PTPRN2: variants seen among roughly 807,000 people sequenced by gnomAD.
The protein encoded by PTPRN2 is protein tyrosine phosphatase receptor type N2.
In PTPRN2, 74 loss-of-function variants were observed where a neutral mutation model predicts 118.8. The observed-to-expected ratio is 0.62, with a 90% CI of 0.52 to 0.76. The LOEUF (loss-of-function observed/expected upper bound fraction) is 0.76, where lower values mean the gene tolerates loss of function less well. PTPRN2 is among the 30% of genes least tolerant of loss of function. PTPRN2 has a pLI of 0.00. For missense variants in PTPRN2, 1,481 were observed against 1,394.4 expected (o/e 1.06, Z -0.99); for synonymous variants, 641 against 608.0 (o/e 1.05, Z -0.80).
intron 12 of PTPRN2, among the ~76,000 whole-genome samples, chr7:157,759,488 G>A (rs1802006338): frequency 1.3e-5 from 2 of 152,248 alleles, no homozygotes. Flanking sequence ...TCAGCTCCTT[G>A]TAAGCCCATC....
At chr7:157,878,983 T>C (rs1451181911) in intron 12 of PTPRN2, among the ~76,000 whole-genome samples, 4 of 106,198 alleles carry the variant, frequency 3.8e-5, no homozygotes, top group South Asian at 3.4e-4. Context: ...GCTTACTCAC[T>C]GAGGAGCTCT....
At chr7:158,331,648 G>T (rs1478749276) in intron 2 of PTPRN2, among the ~76,000 whole-genome samples, 1 of 145,358 alleles carries the variant, frequency 6.9e-6, no homozygotes, top group African/African-American at 2.7e-5. Context: ...GGTGACACCT[G>T]CAGACGTCAC....
rs141571310 is a variant in PTPRN2, at chr7:157,609,743, G to A, written c.2345-5668C>T. On this transcript the variant is annotated intron_variant, in intron 15 of 22. Transcript: ENST00000389418. The surrounding 1 kb of genome is among the most constrained non-coding windows in gnomAD (Gnocchi z 4.9). Reference sequence around the variant, plus strand: ...GCACGCAGCAAGCAATGAGGAGCAAGGCTGAGATGACGGTGGACACGCACC... The same window carrying A: ...GCACGCAGCAAGCAATGAGGAGCAAAGCTGAGATGACGGTGGACACGCACC... 8.5e-5 allele frequency among the ~76,000 whole-genome samples: 13 copies of A among 152,368 alleles called. No homozygotes were observed. The highest frequency in any genetic ancestry group is 1.3e-4 in the Non-Finnish European group (9 of 68,046).
chr7:157,655,286 C>T (rs1292541258), intron 14 of PTPRN2, among the ~76,000 whole-genome samples: 1 of 152,182 alleles, frequency 6.6e-6, no homozygotes, highest in African/African-American at 2.4e-5. Flanking sequence ...ACGTCTGGTC[C>T]AAGCGGGTCT....
intron 2 of PTPRN2, among the ~76,000 whole-genome samples, chr7:158,484,199 G>A (rs1820834032): frequency 6.6e-6 from 1 of 152,012 alleles, no homozygotes; most frequent in Non-Finnish European, 1.5e-5. Context: ...AGAGTTCCGT[G>A]ACCACCTCAC....
intron 2 of PTPRN2, among the ~76,000 whole-genome samples, chr7:158,410,483 G>A (rs1009298213): frequency 1.3e-5 from 2 of 152,204 alleles, no homozygotes; most frequent in African/African-American, 4.8e-5. Context: ...GGTTTCCTCT[G>A]GCCCTGAAGT....
chr7:158,374,390 G>A (rs979442), intron 2 of PTPRN2, among the ~76,000 whole-genome samples: 133,363 of 152,040 alleles, frequency 0.88, 58,832 homozygotes, highest in East Asian at 0.99. Flanking sequence ...ACACTCACTC[G>A]CTCCTGTGAA....
At chr7:157,575,216 T>C (rs1281177980) in intron 19 of PTPRN2, among the ~76,000 whole-genome samples, 5 of 152,246 alleles carry the variant, frequency 3.3e-5, no homozygotes. Context: ...TGTAGTTACA[T>C]CCATTTTGCC....
chr7:158,461,223 C>T (rs1010509366), intron 2 of PTPRN2, among the ~76,000 whole-genome samples: 12 of 152,194 alleles, frequency 7.9e-5, no homozygotes, highest in East Asian at 1.9e-4. Context: ...AGGCCGGGCG[C>T]GGTGGCTCAT....
rs1809277100 is a variant in PTPRN2 at position 158,050,925 on chromosome 7, C to T, written c.1723+30373G>A. Among the ~76,000 whole-genome samples the T allele has an allele frequency of 1.3e-5, 2 of 152,354 alleles. 1 individual carries two copies. The highest frequency in any genetic ancestry group is 2.9e-5 in the Non-Finnish European group (2 of 68,032). On this transcript the variant is annotated intron_variant, in intron 11 of 22. Transcript: ENST00000389418. The stretch of plus-strand genomic sequence containing the variant: ...CCCCTCCCGCTGGAAGTGCTCTCCC[C>T]ACGGCAGGAGTGAGGAGCACTGAGA...
In PTPRN2 at chr7:158,563,505, G is replaced by A. The variant is rs182293594; in HGVS notation, c.112+24053C>T. On this transcript the variant is annotated intron_variant, in intron 1 of 22. Transcript: ENST00000389418. This position sits in a 1 kb window ranked among gnomAD's most constrained non-coding sequence, Gnocchi z 5.1. ...AAAAAAATGACCAAGATATAAGGCC[G>A]TGGAAATGCAACTTGATTACAACAA... Among the ~76,000 whole-genome samples the A allele has an allele frequency of 1.4e-4, 21 of 152,366 alleles. No individual in the cohort carries two copies. In the East Asian group the frequency reaches 2.7e-3, roughly 20 times the overall value.
chr7:157,560,920 C>T lies in PTPRN2; in HGVS notation c.2902+7982G>A, dbSNP rs1332906975. On this transcript the variant is annotated intron_variant, in intron 21 of 22. Transcript: ENST00000389418. This position sits in a 1 kb window ranked among gnomAD's most constrained non-coding sequence, Gnocchi z 6.7. ...GCCCAGCCCTCGCGTCCCCCTAAGT[C>T]TCATCTGCAGAAGGCTGAGCCTCAT... Among the ~76,000 whole-genome samples the T allele has an allele frequency of 1.3e-5, 2 of 152,192 alleles. No homozygotes were observed. Among genetic ancestry groups the T allele is most frequent in the Non-Finnish European group, 2.9e-5 (2 of 68,026 alleles).
At chr7:158,366,085 A>C (rs10226963) in intron 2 of PTPRN2, among the ~76,000 whole-genome samples, 1 of 119,158 alleles carries the variant, frequency 8.4e-6, no homozygotes, top group Non-Finnish European at 1.8e-5. Context: ...ACACACACGC[A>C]CACACACACA....
intron 2 of PTPRN2, among the ~76,000 whole-genome samples, chr7:158,364,880 C>G (rs547122313): frequency 1.3e-5 from 2 of 152,240 alleles, no homozygotes; most frequent in Admixed American, 6.5e-5. Flanking sequence ...AATAACGGAA[C>G]GGCATGAGAA....
intron 11 of PTPRN2, among the ~76,000 whole-genome samples, chr7:158,017,226 T>C (rs767270009): frequency 1.3e-5 from 2 of 152,196 alleles, no homozygotes; most frequent in Non-Finnish European, 2.9e-5. Flanking sequence ...AGGAGCTTGT[T>C]TCAGAAGAAA....
At chr7:158,434,165 G>A (rs1207385706) in intron 2 of PTPRN2, among the ~76,000 whole-genome samples, 1 of 152,080 alleles carries the variant, frequency 6.6e-6, no homozygotes, top group East Asian at 1.9e-4. Flanking sequence ...AAGAACACAG[G>A]TTCTATTTTG....
chr7:158,108,292 C>T (rs1815854752), intron 10 of PTPRN2, among the ~76,000 whole-genome samples: 2 of 152,212 alleles, frequency 1.3e-5, no homozygotes, highest in South Asian at 4.2e-4. Context: ...CCCATTGCCA[C>T]CACACCCGCC....
intron 3 of PTPRN2, among the ~76,000 whole-genome samples, chr7:158,245,138 G>A (rs1400172815): frequency 6.6e-6 from 1 of 152,148 alleles, no homozygotes; most frequent in Non-Finnish European, 1.5e-5. Flanking sequence ...CGGAATCCGT[G>A]GTCATGCCAG....
intron 6 of PTPRN2, among the ~76,000 whole-genome samples, chr7:158,143,584 A>C (rs1819592501): frequency 6.6e-6 from 1 of 152,182 alleles, no homozygotes; most frequent in Admixed American, 6.5e-5. Flanking sequence ...GTGGTTGCTA[A>C]GGAAAGGTCC....
Sources: allele counts gnomAD v4.1 joint callset (sites outside exome capture counted in the v4.1 genomes callset), GRCh38; gene constraint gnomAD v4.1.1; non-coding constraint Gnocchi (gnomAD v3.1); transcripts MANE v1.5; gene names NCBI Gene and HGNC (gene_info 2026-07-23, HGNC 2026-07-21).